The following EML6 variants were observed in gnomAD, a reference collection of about 807,000 sequenced individuals.
EML6 encodes the protein EMAP like 6, also known as echinoderm microtubule-associated protein-like 6.
In EML6, 154 loss-of-function variants were observed where a neutral mutation model predicts 240.1. The ratio of observed to expected loss-of-function variants is 0.64; its 90% CI spans 0.56 to 0.73. EML6 has a LOEUF of 0.73. EML6 is among the 30% of genes least tolerant of loss of function. The pLI is 0.00. For synonymous variants in EML6, 1,148 were observed against 899.0 expected (o/e 1.28, Z -4.95); for missense variants, 2,964 against 2,474.6 (o/e 1.20, Z -4.20).
chr2:54,801,214 G>T (rs144140775), intron 2 of EML6, among the ~76,000 whole-genome samples: 2 of 152,022 alleles, frequency 1.3e-5, no homozygotes, highest in East Asian at 1.9e-4. Flanking sequence ...CAGATCCTCG[G>T]GAGGCTGGGG....
chr2:54,881,663 A>AAAAAAT (rs1383536519), intron 17 of EML6: 1 of 151,986 alleles, frequency 6.6e-6, no homozygotes, highest in Non-Finnish European at 1.5e-5. Flanking sequence ...AAAAAAAAAA[A>AAAAAAT]AAAAAAATTT....
At chr2:54,916,311 G>A (rs971599874) in intron 25 of EML6, among the ~76,000 whole-genome samples, 25 of 152,276 alleles carry the variant, frequency 1.6e-4, no homozygotes, top group African/African-American at 5.1e-4. Context: ...CAATGCCTGG[G>A]GACAAGGGTA....
intron 5 of EML6, among the ~76,000 whole-genome samples, chr2:54,824,452 A>G (rs901629761): frequency 6.6e-6 from 1 of 152,170 alleles, no homozygotes. Context: ...ATATCCAATT[A>G]CCAGGATTTC....
In EML6 at chr2:54,962,576, A is replaced by C. The variant is rs1374961199; in HGVS notation, c.5022A>C (p.Lys1674Asn). Residue 1674 changes from lysine to asparagine, a missense_variant, in exon 36 of 42, where the codon AAA (lysine) becomes AAC (asparagine). Lys to Asn is a moderately conservative substitution (Grantham distance 94). Transcript: ENST00000356458. ...GAGAAATAATTGAAGTTGGTGAAAA[A>C]AATGCTGCTTCTAACATCCTGATTG... ...KDGEIIEVGE[K>N]NAASNILIDG... 1.9e-6 allele frequency: 3 copies of C among 1,549,790 alleles called. No individual in the cohort carries two copies. The highest frequency in any genetic ancestry group is 2.6e-6 in the Non-Finnish European group (3 of 1,146,106).
At chr2:54,966,764 C>T (rs1310237938) in intron 38 of EML6, 2 of 289,640 alleles carry the variant, frequency 6.9e-6, no homozygotes, top group African/African-American at 2.2e-5. Flanking sequence ...CTCAGAGAAC[C>T]GCTATCTTAG....
intron 24 of EML6, among the ~76,000 whole-genome samples, chr2:54,909,758 C>T (rs929429098): frequency 6.7e-6 from 1 of 149,888 alleles, no homozygotes; most frequent in Non-Finnish European, 1.5e-5. Context: ...GCAAGAGAAT[C>T]GCTTGAACTT....
At chr2:54,875,511 C>T (rs139485500) in intron 16 of EML6, among the ~76,000 whole-genome samples, 12 of 152,252 alleles carry the variant, frequency 7.9e-5, no homozygotes, top group Admixed American at 5.9e-4. Flanking sequence ...TTGTCTCTTA[C>T]TAGAGAATAA....
In EML6 at chr2:54,968,194, A is replaced by C. The variant is rs11684017; in HGVS notation, c.5664A>C (p.Ala1888=). The change falls in exon 40 of 42, where the codon GCA becomes GCC. Residue 1888 remains alanine (A), a synonymous_variant. Coordinates refer to ENST00000356458, the MANE Select transcript of EML6 (RefSeq NM_001039753.4). ...CAGACAAGGCTGATGTCAACTGCGC[A>C]TGTGTGACCCACGCTGGCCTGAACA... ...RNADKADVNC[A]CVTHAGLNIV... The C allele has an allele frequency of 9.7e-6, 15 of 1,551,676 alleles. No homozygotes were observed. The Admixed American group carries it at 2.5e-4, about 26-fold the overall frequency.
intron 2 of EML6, among the ~76,000 whole-genome samples, chr2:54,758,219 G>C (rs1157323588): frequency 6.6e-6 from 1 of 152,084 alleles, no homozygotes; most frequent in East Asian, 1.9e-4. Flanking sequence ...CCTGAAGGGA[G>C]AGGGGAGTGG....
intron 28 of EML6, among the ~76,000 whole-genome samples, chr2:54,934,270 T>C (rs1675016458): frequency 6.6e-6 from 1 of 152,174 alleles, no homozygotes; most frequent in South Asian, 2.1e-4. Flanking sequence ...AGGTTCCTAC[T>C]GGGATGTCAG....
chr2:54,733,398 G>A (rs1683254592), intron 2 of EML6, among the ~76,000 whole-genome samples: 1 of 152,196 alleles, frequency 6.6e-6, no homozygotes, highest in Non-Finnish European at 1.5e-5. Flanking sequence ...ATCATCAGTT[G>A]CAAGAAACTT....
chr2:54,733,660 A>C (rs1683264657), intron 2 of EML6, among the ~76,000 whole-genome samples: 1 of 152,174 alleles, frequency 6.6e-6, no homozygotes, highest in African/African-American at 2.4e-5. Flanking sequence ...CACCCTCCCA[A>C]AAATCCACCT....
At chr2:54,916,720 G>C (rs1164862772) in intron 25 of EML6, 39 bp from the exon 26 acceptor site, 3 of 1,444,126 alleles carry the variant, frequency 2.1e-6, no homozygotes, top group Admixed American at 4.6e-5. Flanking sequence ...AAACAAACTA[G>C]GTTGTGCAAA....
Position 54,894,976 on chromosome 2 carries a change from G to A in EML6, c.2804G>A (p.Cys935Tyr). Residue 935 changes from cysteine (C) to tyrosine (Y), a missense_variant, in exon 20 of 42, where the codon TGT becomes TAT. Coordinates refer to ENST00000356458, the MANE Select transcript of EML6 (RefSeq NM_001039753.4). ...CTCTGGGATGATATGTTTGAAAGAT[G>A]TTTGAAGACTTATGCCATTAAAAGA... ...VELWDDMFER[C>Y]LKTYAIKRSA... is the part of the protein sequence containing the mutation. 2 of 1,551,556 alleles carry A rather than the reference G, an allele frequency of 1.3e-6. No individual in the cohort carries two copies. The highest frequency in any genetic ancestry group is 1.2e-5 in the South Asian group (1 of 84,056).
chr2:54,939,478 C>T (rs35331928), intron 28 of EML6, among the ~76,000 whole-genome samples: 9 of 152,322 alleles, frequency 5.9e-5, no homozygotes, highest in East Asian at 1.9e-4. Context: ...ATGAGTACTG[C>T]TTCCAACAGT....
At chr2:54,958,302 C>G (rs1217144294) in intron 33 of EML6, among the ~76,000 whole-genome samples, 3 of 152,138 alleles carry the variant, frequency 2.0e-5, no homozygotes, top group African/African-American at 7.2e-5. Context: ...AGCGATTCTC[C>G]TGCCTCAGCC....
intron 21 of EML6, among the ~76,000 whole-genome samples, chr2:54,895,936 T>G (rs1164547711): frequency 1.3e-5 from 2 of 152,240 alleles, no homozygotes; most frequent in Non-Finnish European, 2.9e-5. Context: ...CATAATTATG[T>G]CATCACATAT....
chr2:54,949,444 C>T (rs913689764), intron 29 of EML6, among the ~76,000 whole-genome samples: 3 of 152,308 alleles, frequency 2.0e-5, no homozygotes, highest in Middle Eastern at 3.4e-3. Context: ...CCGACGAGGA[C>T]GCTGTGGCTG....
intron 2 of EML6, among the ~76,000 whole-genome samples, chr2:54,771,302 C>T (rs183207338): frequency 3.3e-5 from 5 of 152,310 alleles, no homozygotes; most frequent in Middle Eastern, 3.4e-3. Flanking sequence ...TTTCTCATCA[C>T]GCTCATTCTC....
Sources: allele counts gnomAD v4.1 joint callset (sites outside exome capture counted in the v4.1 genomes callset), GRCh38; gene constraint gnomAD v4.1.1; transcripts MANE v1.5; gene names NCBI Gene and HGNC (gene_info 2026-07-23, HGNC 2026-07-21).